Variants in LRRC37A2 observed in about 807,000 individuals in gnomAD.
The protein encoded by LRRC37A2 is leucine rich repeat containing 37 member A2, also known as leucine-rich repeat-containing protein 37A2.
Under a neutral mutation model 68.8 loss-of-function variants are expected in LRRC37A2, and 9 were observed. The ratio of observed to expected loss-of-function variants is 0.13; its 90% CI spans 0.08 to 0.23. The LOEUF is 0.23. LRRC37A2 is among the 10% of genes least tolerant of loss of function. LRRC37A2 has a pLI of 1.00. For synonymous variants in LRRC37A2, 63 were observed against 367.6 expected, an observed-to-expected ratio of 0.17 and a Z score of 9.48; for missense variants, 168 against 950.4, an observed-to-expected ratio of 0.18 and a Z score of 10.82.
chr17:46,940,479 G>A, the LRRC37A2 span: 2 of 1,612,604 alleles, frequency 1.2e-6, no homozygotes, highest in East Asian at 2.2e-5. Context: ...GCGGTGCCAG[G>A]GACCTAGCGC....
the LRRC37A2 span, chr17:46,874,851 T>C: frequency 3.2e-6 from 2 of 623,896 alleles, no homozygotes; most frequent in East Asian, 2.8e-5. Context: ...GTGCTGGGAT[T>C]AGGGGCACGA....
chr17:46,787,426 G>A, the LRRC37A2 span, among the ~76,000 whole-genome samples: 1 of 152,152 alleles, frequency 6.6e-6, no homozygotes, highest in African/African-American at 2.4e-5. Context: ...CGGGACCTTT[G>A]ACATCACCTA....
the LRRC37A2 span, among the ~76,000 whole-genome samples, chr17:46,957,208 G>T: frequency 6.6e-6 from 1 of 152,308 alleles, no homozygotes; most frequent in East Asian, 1.9e-4. Flanking sequence ...TGGAGGCTGA[G>T]GTGGGAGGAC....
chr17:46,609,725 T>G, the LRRC37A2 span, among the ~76,000 whole-genome samples: 18 of 147,496 alleles, frequency 1.2e-4, no homozygotes, highest in Non-Finnish European at 6.0e-5. Flanking sequence ...ACAATTTAGA[T>G]AAGTATAGTG....
At chr17:46,809,466 C>T in the LRRC37A2 span, among the ~76,000 whole-genome samples, 3 of 152,200 alleles carry the variant, frequency 2.0e-5, no homozygotes, top group Non-Finnish European at 4.4e-5. Context: ...CTCCCATCCC[C>T]CTCCCCAACA....
At chr17:46,722,367 G>A in the LRRC37A2 span, among the ~76,000 whole-genome samples, 2 of 152,178 alleles carry the variant, frequency 1.3e-5, no homozygotes, top group Admixed American at 6.5e-5. Context: ...AGCACTGTGT[G>A]ACCTGCTGTG....
At chr17:46,774,220 G>A in the LRRC37A2 span, among the ~76,000 whole-genome samples, 4 of 152,252 alleles carry the variant, frequency 2.6e-5, no homozygotes, top group Non-Finnish European at 5.9e-5. Flanking sequence ...GGTATTTGGG[G>A]CCCAGATCCA....
chr17:46,778,010 T>C, the LRRC37A2 span, among the ~76,000 whole-genome samples: 12 of 152,202 alleles, frequency 7.9e-5, no homozygotes, highest in Admixed American at 7.2e-4. Context: ...TCTTAACCTC[T>C]ATACCTCAGT....
chr17:46,770,812 GTCA>G, the LRRC37A2 span, among the ~76,000 whole-genome samples: 2 of 152,182 alleles, frequency 1.3e-5, no homozygotes, highest in Non-Finnish European at 2.9e-5. Context: ...CCTCACAACG[GTCA>G]TCGTCTCTGC....
At chr17:47,034,864 G>A in the LRRC37A2 span, among the ~76,000 whole-genome samples, 1 of 152,144 alleles carries the variant, frequency 6.6e-6, no homozygotes, top group Non-Finnish European at 1.5e-5. Flanking sequence ...GCCCTAGTTT[G>A]AGAATCCATA....
the LRRC37A2 span, among the ~76,000 whole-genome samples, chr17:46,792,566 C>T: frequency 6.6e-6 from 1 of 152,130 alleles, no homozygotes; most frequent in Non-Finnish European, 1.5e-5. Context: ...CTCTGCCTCC[C>T]AGGTTCAAGC....
At chr17:46,895,800 T>A in the LRRC37A2 span, among the ~76,000 whole-genome samples, 182 of 152,308 alleles carry the variant, frequency 1.2e-3, 2 homozygotes, top group African/African-American at 3.7e-3. Context: ...ACTCCAAGAA[T>A]CTTGCCTTGT....
the LRRC37A2 span, among the ~76,000 whole-genome samples, chr17:46,848,954 C>T: frequency 1.1e-4 from 15 of 135,452 alleles, no homozygotes; most frequent in Non-Finnish European, 1.7e-4. Context: ...ACACACAGAG[C>T]TTGGTACACA....
chr17:46,947,214 A>G, the LRRC37A2 span, among the ~76,000 whole-genome samples: 4 of 152,158 alleles, frequency 2.6e-5, no homozygotes, highest in African/African-American at 4.8e-5. Flanking sequence ...CATGTCCTAG[A>G]TTCTGTGGCC....
At chr17:46,878,120 T>C in the LRRC37A2 span, among the ~76,000 whole-genome samples, 1 of 152,136 alleles carries the variant, frequency 6.6e-6, no homozygotes. Context: ...CTTGCAGGGG[T>C]CCCCTTGCTG....
the LRRC37A2 span, among the ~76,000 whole-genome samples, chr17:46,909,147 G>C: frequency 1.3e-5 from 2 of 152,130 alleles, no homozygotes; most frequent in East Asian, 3.9e-4. Context: ...CAACTCCCGG[G>C]CTCCCAAGTA....
the LRRC37A2 span, among the ~76,000 whole-genome samples, chr17:46,816,662 T>G: frequency 6.6e-6 from 1 of 152,170 alleles, no homozygotes; most frequent in Admixed American, 6.5e-5. Flanking sequence ...CCTATCTAGA[T>G]GGTCCCCAAG....
chr17:46,996,775 C>T, the LRRC37A2 span, among the ~76,000 whole-genome samples: 426 of 152,344 alleles, frequency 2.8e-3, 1 homozygote, highest in Non-Finnish European at 3.7e-3. Flanking sequence ...CCTCCCAAAG[C>T]GCTGGGATGA....
the LRRC37A2 span, chr17:46,713,990 T>C: frequency 6.3e-7 from 1 of 1,598,092 alleles, no homozygotes; most frequent in Non-Finnish European, 8.5e-7. Flanking sequence ...GAAGAAGGTA[T>C]CAAGATTTTA....
Sources: allele counts gnomAD v4.1 joint callset (sites outside exome capture counted in the v4.1 genomes callset), GRCh38; gene constraint gnomAD v4.1.1; transcripts MANE v1.5; gene names NCBI Gene and HGNC (gene_info 2026-07-23, HGNC 2026-07-21).